The following KCNQ3 variants were observed in gnomAD, a reference collection of about 807,000 sequenced individuals.
The protein encoded by KCNQ3 is potassium voltage-gated channel subfamily KQT member 3.
A neutral mutation model predicts 92.5 loss-of-function variants in KCNQ3; 30 were observed. The observed-to-expected ratio is 0.32, with a 90% CI of 0.24 to 0.44. KCNQ3 has a LOEUF of 0.44. Ranked by LOEUF, KCNQ3 falls within the 20% of genes least tolerant of loss-of-function variation. KCNQ3 has a pLI of 1.00. For missense variants in KCNQ3, 913 were observed against 1,140.3 expected, an observed-to-expected ratio of 0.80 and a Z score of 2.87; for synonymous variants, 450 against 468.8, an observed-to-expected ratio of 0.96 and a Z score of 0.52.
intron 1 of KCNQ3, among the ~76,000 whole-genome samples, chr8:132,356,101 G>A (rs921549844): frequency 6.6e-5 from 10 of 152,160 alleles, no homozygotes; most frequent in African/African-American, 2.2e-4. Context: ...AAAATCACAG[G>A]GCCATTGGTG....
At chr8:132,424,389 G>A (rs536328096) in intron 1 of KCNQ3, among the ~76,000 whole-genome samples, 2 of 152,172 alleles carry the variant, frequency 1.3e-5, no homozygotes, top group South Asian at 2.1e-4. Context: ...GTCACTCTGT[G>A]TTCCCATTTT....
At position 132,128,842 on chromosome 8, in the gene KCNQ3, T is replaced by G; in HGVS notation, c.*420A>C. 1 of 191,582 alleles carries G rather than the reference T, an allele frequency of 5.2e-6. No homozygotes were observed. 11.9% of individuals were successfully genotyped at this position (191,582 alleles called of 1,614,324 possible). The stretch of plus-strand genomic sequence containing the variant: ...TCAAAAACAGTTAATTGCTGGAGCG[T>G]TTTACACAAGAGGGCAGTGATCCTA... On this transcript the variant is annotated 3_prime_UTR_variant, in exon 15 of 15. Coordinates refer to ENST00000388996, the MANE Select transcript of KCNQ3 (RefSeq NM_004519.4).
intron 1 of KCNQ3, among the ~76,000 whole-genome samples, chr8:132,472,950 A>C (rs1587053665): frequency 1.3e-5 from 2 of 152,338 alleles, no homozygotes; most frequent in East Asian, 3.9e-4. Context: ...TATTATCTTA[A>C]TATTAGAAAT....
chr8:132,158,398 T>C (rs16904608), intron 9 of KCNQ3, among the ~76,000 whole-genome samples: 18,247 of 152,214 alleles, frequency 0.12, 1,514 homozygotes, highest in African/African-American at 0.23. Context: ...TGAATTATAG[T>C]GTCTGACCAA....
chr8:132,419,483 T>C (rs755871289), intron 1 of KCNQ3, among the ~76,000 whole-genome samples: 11 of 152,150 alleles, frequency 7.2e-5, no homozygotes, highest in Admixed American at 6.5e-5. Context: ...AGTGCCTGAG[T>C]CCTGATTCCT....
chr8:132,156,339 C>T (rs1269410534), intron 9 of KCNQ3, among the ~76,000 whole-genome samples: 1 of 151,906 alleles, frequency 6.6e-6, no homozygotes, highest in Non-Finnish European at 1.5e-5. Flanking sequence ...CATAAGTTGC[C>T]AAGAGCACAC....
intron 1 of KCNQ3, among the ~76,000 whole-genome samples, chr8:132,322,686 G>T (rs1329961188): frequency 2.0e-5 from 3 of 152,226 alleles, no homozygotes; most frequent in Non-Finnish European, 4.4e-5. Flanking sequence ...GCAGACGAAT[G>T]TGCCTCTATA....
chr8:132,212,181 C>T (rs541517610), intron 1 of KCNQ3, among the ~76,000 whole-genome samples: 2 of 152,106 alleles, frequency 1.3e-5, no homozygotes, highest in South Asian at 4.2e-4. Flanking sequence ...ATATTTGACT[C>T]ATCACACACA....
chr8:132,129,236 A>C lies in KCNQ3; in HGVS notation c.*26T>G, dbSNP rs754161335. On this transcript the variant is annotated 3_prime_UTR_variant, in exon 15 of 15. Transcript: ENST00000388996. This position sits in a 1 kb window ranked among gnomAD's most constrained non-coding sequence, Gnocchi z 5.9. ...ACTATACAAAGTCTGTCTACATTAC[A>C]AGGAGGGGTCAGCCAGTGACCTCTT... 6 of 1,604,834 alleles carry C rather than the reference A, an allele frequency of 3.7e-6. No individual in the cohort carries two copies. The highest frequency in any genetic ancestry group is 5.1e-6 in the Non-Finnish European group (6 of 1,179,652).
chr8:132,317,367 T>C (rs1349319862), intron 1 of KCNQ3, among the ~76,000 whole-genome samples: 1 of 152,222 alleles, frequency 6.6e-6, no homozygotes, highest in Non-Finnish European at 1.5e-5. Context: ...TTTCAAGGAA[T>C]CCATTCCAAG....
intron 1 of KCNQ3, among the ~76,000 whole-genome samples, chr8:132,334,396 C>A (rs543036263): frequency 6.6e-6 from 1 of 151,850 alleles, no homozygotes; most frequent in East Asian, 2.0e-4. Context: ...TCACCTGGAC[C>A]AAGGAAGACT....
intron 1 of KCNQ3, among the ~76,000 whole-genome samples, chr8:132,324,520 A>T (rs1472811684): frequency 1.3e-5 from 2 of 152,216 alleles, no homozygotes; most frequent in Admixed American, 1.3e-4. Flanking sequence ...TCTTTACCCC[A>T]GTAACTTGTC....
At chr8:132,224,188 G>T (rs1420574868) in intron 1 of KCNQ3, among the ~76,000 whole-genome samples, 6 of 141,140 alleles carry the variant, frequency 4.3e-5, no homozygotes, top group African/African-American at 1.6e-4. Flanking sequence ...TCCCACCTCA[G>T]CCTCCCAAAA....
chr8:132,174,463 T>C (rs1826481574), intron 5 of KCNQ3, 114 bp from the exon 6 acceptor site: 3 of 804,742 alleles, frequency 3.7e-6, no homozygotes, highest in Non-Finnish European at 6.4e-6. Context: ...CTCCCATTCA[T>C]AACAAGGTTC....
intron 1 of KCNQ3, among the ~76,000 whole-genome samples, chr8:132,424,457 G>A (rs1054305856): frequency 2.0e-5 from 3 of 152,216 alleles, no homozygotes; most frequent in Non-Finnish European, 4.4e-5. Context: ...GGCCCAGAGA[G>A]CAAAATAGAT....
intron 1 of KCNQ3, among the ~76,000 whole-genome samples, chr8:132,380,707 C>T (rs1819724485): frequency 6.6e-6 from 1 of 150,998 alleles, no homozygotes; most frequent in African/African-American, 2.4e-5. Flanking sequence ...AGTCCCACAG[C>T]TGAGTGAGAG....
chr8:132,226,660 C>T (rs1462306504), intron 1 of KCNQ3, among the ~76,000 whole-genome samples: 1 of 152,142 alleles, frequency 6.6e-6, no homozygotes, highest in Non-Finnish European at 1.5e-5. Context: ...CAGGTTGAGG[C>T]TAGCATGTGG....
chr8:132,394,161 G>A (rs1820128907), intron 1 of KCNQ3, among the ~76,000 whole-genome samples: 1 of 152,220 alleles, frequency 6.6e-6, no homozygotes, highest in South Asian at 2.1e-4. Flanking sequence ...AGTACTCTCA[G>A]GGCCTTCTAT....
chr8:132,213,024 C>T (rs959704741), intron 1 of KCNQ3, among the ~76,000 whole-genome samples: 2 of 152,156 alleles, frequency 1.3e-5, no homozygotes, highest in Admixed American at 6.5e-5. Context: ...ACACTGTTGA[C>T]TTTTCAAAGT....
Sources: allele counts gnomAD v4.1 joint callset (sites outside exome capture counted in the v4.1 genomes callset), GRCh38; gene constraint gnomAD v4.1.1; non-coding constraint Gnocchi (gnomAD v3.1); transcripts MANE v1.5; gene names NCBI Gene and HGNC (gene_info 2026-07-23, HGNC 2026-07-21).